FBLN7: variants seen among roughly 807,000 people sequenced by gnomAD.
The protein encoded by FBLN7 is fibulin-7.
A neutral mutation model predicts 44.0 loss-of-function variants in FBLN7; 31 were observed. The observed-to-expected ratio is 0.70, with a 90% CI of 0.53 to 0.95. The LOEUF (loss-of-function observed/expected upper bound fraction) is 0.95. Ranked by LOEUF, FBLN7 falls within the 40% of genes least tolerant of loss-of-function variation. The probability of loss-of-function intolerance (pLI) is 0.00; values close to 1 mark genes in which losing one functional copy is unlikely to be tolerated. For synonymous variants in FBLN7, 262 were observed against 253.4 expected, an observed-to-expected ratio of 1.03 and a Z score of -0.32; for missense variants, 573 against 618.5, an observed-to-expected ratio of 0.93 and a Z score of 0.78.
the FBLN7 span, among the ~76,000 whole-genome samples, chr2:112,224,568 G>A: frequency 1.3e-5 from 2 of 152,154 alleles, no homozygotes; most frequent in Non-Finnish European, 1.5e-5. Context: ...GTTCGCTGAA[G>A]CTTTATTTAT....
chr2:112,191,611 C>A (rs1683494173), downstream of FBLN7, among the ~76,000 whole-genome samples: 1 of 152,150 alleles, frequency 6.6e-6, no homozygotes, highest in South Asian at 2.1e-4. Flanking sequence ...AACCTTAACA[C>A]ACAAATGTGA....
chr2:112,192,309 G>T (rs556211528), downstream of FBLN7, among the ~76,000 whole-genome samples: 1 of 152,150 alleles, frequency 6.6e-6, no homozygotes, highest in Non-Finnish European at 1.5e-5. Flanking sequence ...GAACATTCTT[G>T]TTCCTGAATC....
At chr2:112,180,629 C>A (rs1213709391) in intron 4 of FBLN7, among the ~76,000 whole-genome samples, 1 of 152,000 alleles carries the variant, frequency 6.6e-6, no homozygotes, top group African/African-American at 2.4e-5. Flanking sequence ...AAAGAAAATG[C>A]GGTACATGGG....
downstream of FBLN7, chr2:112,188,710 G>T (rs926980438): frequency 7.9e-5 from 12 of 152,188 alleles, no homozygotes; most frequent in African/African-American, 2.9e-4. Context: ...GGAGCCAGAA[G>T]TGTGTCACTA....
intron 1 of FBLN7, chr2:112,152,523 G>A (rs185050529): frequency 5.6e-4 from 85 of 152,386 alleles, no homozygotes; most frequent in African/African-American, 2.0e-3. Flanking sequence ...TGTCAATTTA[G>A]TTAAGACATG....
the FBLN7 span, among the ~76,000 whole-genome samples, chr2:112,226,605 A>AAAAAAAAAAAAG: frequency 6.7e-6 from 1 of 150,130 alleles, no homozygotes; most frequent in African/African-American, 2.5e-5. Context: ...AAAAAAAAAA[A>AAAAAAAAAAAAG]GCTCAGGCCC....
chr2:112,180,985 C>A (rs1394959650), intron 4 of FBLN7, among the ~76,000 whole-genome samples: 1 of 149,012 alleles, frequency 6.7e-6, no homozygotes, highest in African/African-American at 2.5e-5. Flanking sequence ...GACATATACA[C>A]CATGGAATAT....
At chr2:112,192,782 T>C (rs1206791509), downstream of FBLN7, among the ~76,000 whole-genome samples, 2 of 152,204 alleles carry the variant, frequency 1.3e-5, no homozygotes, top group African/African-American at 4.8e-5. Context: ...CTTTTATGAC[T>C]CTTAGCTTGT....
chr2:112,169,310 A>AC (rs1479394399), intron 3 of FBLN7, among the ~76,000 whole-genome samples: 4 of 151,980 alleles, frequency 2.6e-5, no homozygotes, highest in Non-Finnish European at 5.9e-5. Context: ...ACAAAACAAA[A>AC]CAAAAAAACA....
At chr2:112,186,991 C>T in intron 7 of FBLN7, 143 bp from the exon 8 acceptor site, 2 of 976,712 alleles carry the variant, frequency 2.0e-6, no homozygotes, top group Non-Finnish European at 3.0e-6. Flanking sequence ...GTCCACAGCT[C>T]CATAGCTCCT....
chr2:112,177,341 A>G (rs1265468160), intron 4 of FBLN7: 1 of 152,272 alleles, frequency 6.6e-6, no homozygotes, highest in East Asian at 1.9e-4. Flanking sequence ...GCAAGCAGGC[A>G]TATCCAAAGC....
intron 1 of FBLN7, among the ~76,000 whole-genome samples, chr2:112,145,511 A>G (rs945855975): frequency 6.6e-6 from 1 of 152,154 alleles, no homozygotes. Context: ...ATTTTCTCTC[A>G]GTTTGTAGCT....
chr2:112,140,981 C>A (rs1460332334), intron 1 of FBLN7, among the ~76,000 whole-genome samples: 1 of 152,212 alleles, frequency 6.6e-6, no homozygotes, highest in Non-Finnish European at 1.5e-5. Context: ...CCATTAGCAA[C>A]TGATTTTTAA....
At chr2:112,239,827 C>T in the FBLN7 span, among the ~76,000 whole-genome samples, 5 of 152,234 alleles carry the variant, frequency 3.3e-5, no homozygotes, top group Admixed American at 6.5e-5. Flanking sequence ...TCAAGTGATC[C>T]GCCTGCCTCG....
chr2:112,176,000 A>G, intron 4 of FBLN7, 161 bp downstream of exon 4: 1 of 882,000 alleles, frequency 1.1e-6, no homozygotes, highest in East Asian at 2.8e-5. Context: ...CTGGTTTTCT[A>G]AGGTGGTCAC....
the FBLN7 span, chr2:112,216,372 CTGAA>C: frequency 6.6e-6 from 1 of 152,366 alleles, no homozygotes; most frequent in South Asian, 2.1e-4. Flanking sequence ...AGAGGGCACT[CTGAA>C]TGAGGAATCT....
the FBLN7 span, among the ~76,000 whole-genome samples, chr2:112,240,048 C>T: frequency 4.6e-5 from 7 of 152,290 alleles, no homozygotes; most frequent in African/African-American, 1.4e-4. Context: ...TTCCCTACAC[C>T]AGACAAGACT....
chr2:112,210,708 A>C, the FBLN7 span, among the ~76,000 whole-genome samples: 1 of 151,752 alleles, frequency 6.6e-6, no homozygotes, highest in Non-Finnish European at 1.5e-5. Context: ...ACTGGAATTC[A>C]AGATGCTGGT....
chr2:112,232,414 T>G, the FBLN7 span, among the ~76,000 whole-genome samples: 1 of 151,952 alleles, frequency 6.6e-6, no homozygotes, highest in Non-Finnish European at 1.5e-5. Flanking sequence ...TTTAAAAATC[T>G]AATTTTAGAA....
Sources: allele counts gnomAD v4.1 joint callset (sites outside exome capture counted in the v4.1 genomes callset), GRCh38; gene constraint gnomAD v4.1.1; transcripts MANE v1.5; gene names NCBI Gene and HGNC (gene_info 2026-07-23, HGNC 2026-07-21).